Variants in ZHX3 observed in about 807,000 individuals in gnomAD.
ZHX3 encodes the protein zinc fingers and homeoboxes 3.
A neutral mutation model predicts 64.5 loss-of-function variants in ZHX3; 20 were observed. That is an observed-to-expected ratio of 0.31 (90% CI 0.22 to 0.45). ZHX3 has a LOEUF of 0.45. ZHX3 is among the 20% of genes least tolerant of loss of function. The pLI is 1.00. For missense variants in ZHX3, 1,041 were observed against 1,195.8 expected, an observed-to-expected ratio of 0.87 and a Z score of 1.91; for synonymous variants, 423 against 461.6, an observed-to-expected ratio of 0.92 and a Z score of 1.07.
chr20:41,245,471 G>C (rs1158542995), intron 2 of ZHX3, among the ~76,000 whole-genome samples: 1 of 152,174 alleles, frequency 6.6e-6, no homozygotes, highest in Non-Finnish European at 1.5e-5. Flanking sequence ...TTCCTTATGT[G>C]CCAGGCACAG....
At position 41,185,232 on chromosome 20, in the gene ZHX3, C is replaced by T. The variant is rs575377650; in HGVS notation, c.2861-31G>A. The T allele has an allele frequency of 1.4e-4, 214 of 1,579,300 alleles. No homozygotes were observed. In the East Asian group the frequency reaches 4.1e-3, roughly 31 times the overall value. ...AAGAAAACACATGCCTGTCACTCTACGGCAGCTGCCACCACCTGCCCCCCA... is the reference window on the plus strand; with the variant it reads ...AAGAAAACACATGCCTGTCACTCTATGGCAGCTGCCACCACCTGCCCCCCA... On this transcript the variant is annotated intron_variant, in intron 3 of 3. Transcript: ENST00000683867. This position sits in a 1 kb window ranked among gnomAD's most constrained non-coding sequence, Gnocchi z 5.0.
At chr20:41,302,958 T>C (rs917677954) in intron 1 of ZHX3, among the ~76,000 whole-genome samples, 3 of 152,260 alleles carry the variant, frequency 2.0e-5, no homozygotes, top group Admixed American at 6.5e-5. Flanking sequence ...GAGAGGACTC[T>C]AGTGGTAATG....
At chr20:41,187,975 C>T (rs547096034) in intron 3 of ZHX3, among the ~76,000 whole-genome samples, 1 of 152,244 alleles carries the variant, frequency 6.6e-6, no homozygotes, top group Admixed American at 6.5e-5. Flanking sequence ...TGTTGCTAAC[C>T]ATAGTCACAC....
intron 2 of ZHX3, among the ~76,000 whole-genome samples, chr20:41,246,767 G>A (rs1271349625): frequency 6.6e-6 from 1 of 151,712 alleles, no homozygotes; most frequent in African/African-American, 2.4e-5. Context: ...CAGCTACTCG[G>A]AAGGCCAAAG....
intron 1 of ZHX3, among the ~76,000 whole-genome samples, chr20:41,311,944 T>C (rs1004673454): frequency 6.6e-6 from 1 of 152,252 alleles, no homozygotes; most frequent in Non-Finnish European, 1.5e-5. Flanking sequence ...GTGCTAGGAC[T>C]GTACCATATA....
At position 41,201,982 on chromosome 20, in the gene ZHX3, A is replaced by C; in HGVS notation, c.2860+75T>G. The C allele has an allele frequency of 6.8e-7, 1 of 1,477,730 alleles. No homozygotes were observed. Among genetic ancestry groups the C allele is most frequent in the Non-Finnish European group, 9.0e-7 (1 of 1,113,388 alleles). 91.5% of individuals were successfully genotyped at this position (1,477,730 alleles called of 1,614,324 possible). A position where few individuals can be genotyped will look rare whatever the true frequency, so the allele number is the denominator to read the frequency against. On this transcript the variant is annotated intron_variant, in intron 3 of 3. Transcript: ENST00000683867. The surrounding 1 kb of genome is among the most constrained non-coding windows in gnomAD (Gnocchi z 5.0). ...GAGACAGCAGATGCCCCTGTGCAGTAAATTCAGTGCCCAACCATAAGTGCC... is the reference window on the plus strand; with the variant it reads ...GAGACAGCAGATGCCCCTGTGCAGTCAATTCAGTGCCCAACCATAAGTGCC...
chr20:41,229,652 T>C (rs1250231287), intron 2 of ZHX3, among the ~76,000 whole-genome samples: 1 of 152,154 alleles, frequency 6.6e-6, no homozygotes, highest in Non-Finnish European at 1.5e-5. Context: ...ATTGCCTAAT[T>C]ATATTAACGT....
chr20:41,285,739 C>T (rs1390375823), intron 1 of ZHX3, among the ~76,000 whole-genome samples: 1 of 152,212 alleles, frequency 6.6e-6, no homozygotes, highest in Admixed American at 6.5e-5. Context: ...GTGCTGTTCA[C>T]TAGCTGGTGT....
rs764092804 is a variant in ZHX3 at position 41,265,201 on chromosome 20, A to AT, written c.-151+3788dup. Among the ~76,000 whole-genome samples the AT allele has an allele frequency of 2.9e-3, 419 of 142,918 alleles. 1 individual carries two copies. The highest frequency in any genetic ancestry group is 0.016 in the South Asian group (70 of 4,456). 93.8% of individuals were successfully genotyped at this position (142,918 alleles called of 152,430 possible). ...GGAATCACTGAAGTCATTACGATAA[A>AT]TTTTTTTTTTTTTTTTTTGAAACGG... On this transcript the variant is annotated intron_variant, in intron 2 of 3. Transcript: ENST00000683867.
chr20:41,260,989 C>T (rs953768636), intron 2 of ZHX3, among the ~76,000 whole-genome samples: 2 of 152,168 alleles, frequency 1.3e-5, no homozygotes, highest in African/African-American at 4.8e-5. Context: ...AAGATACAAT[C>T]TATGAATTAG....
chr20:41,292,390 TCTTTA>T (rs796368267), intron 1 of ZHX3, among the ~76,000 whole-genome samples: 4 of 152,352 alleles, frequency 2.6e-5, no homozygotes, highest in African/African-American at 9.6e-5. Context: ...TGTCTAAACT[TCTTTA>T]CTTTCTAACC....
chr20:41,283,370 A>C (rs897319430), intron 1 of ZHX3, among the ~76,000 whole-genome samples: 6 of 152,174 alleles, frequency 3.9e-5, no homozygotes, highest in Non-Finnish European at 7.4e-5. Flanking sequence ...TCCACTAACT[A>C]TGCAGTTGAA....
chr20:41,181,464 C>T lies in ZHX3; in HGVS notation c.*3727G>A, dbSNP rs2036249070. 6.6e-6 allele frequency: 1 copy of T among 152,164 alleles called. No homozygotes were observed. The highest frequency in any genetic ancestry group is 2.4e-5 in the African/African-American group (1 of 41,422). 9.4% of individuals were successfully genotyped at this position (152,164 alleles called of 1,614,324 possible). Reference sequence around the variant, plus strand: ...CTTCTTGGCTGGCTCTCCTCTCCTGCAAGTTGCCTTTATCCACTTGGGGTG... The same window carrying T: ...CTTCTTGGCTGGCTCTCCTCTCCTGTAAGTTGCCTTTATCCACTTGGGGTG... On this transcript the variant is annotated 3_prime_UTR_variant, in exon 4 of 4. Transcript: ENST00000683867.
rs530228119 is a variant in ZHX3 at position 41,312,643 on chromosome 20, T to C, written c.-245+4866A>G. Among the ~76,000 whole-genome samples, 16 of 152,292 alleles carry C rather than the reference T, an allele frequency of 1.1e-4. 1 individual carries two copies. Among genetic ancestry groups the C allele is most frequent in the Admixed American group, 6.5e-4 (10 of 15,304 alleles). On this transcript the variant is annotated intron_variant, in intron 1 of 3. Transcript: ENST00000683867. ...AGAAGTGGTGATCAGGGAAGGCCCC[T>C]CTGAGGAGGAGATGTTTTAGCTGAG...
At position 41,288,708 on chromosome 20, in the gene ZHX3, C is replaced by A. The variant is rs1160456052; in HGVS notation, c.-244-19625G>T. On this transcript the variant is annotated intron_variant, in intron 1 of 3. Transcript: ENST00000683867. ...ACTCTTGTCTTATAACTAACAAATT[C>A]CTACCTTTATATTATATGTCTATGA... is the stretch of plus-strand genomic sequence containing the variant. Among the ~76,000 whole-genome samples, 3 of 152,138 alleles carry A rather than the reference C, an allele frequency of 2.0e-5. No homozygotes were observed. The East Asian group carries it at 5.8e-4, about 29-fold the overall frequency.
At chr20:41,258,466 T>C (rs545173367) in intron 2 of ZHX3, among the ~76,000 whole-genome samples, 2 of 152,356 alleles carry the variant, frequency 1.3e-5, no homozygotes, top group South Asian at 4.1e-4. Flanking sequence ...TTAGTTGTTA[T>C]TTATCCTTAG....
rs913353674 is a variant in ZHX3, at chr20:41,179,442, A to G, written c.*5749T>C. On this transcript the variant is annotated 3_prime_UTR_variant, in exon 4 of 4. Transcript: ENST00000683867. The surrounding 1 kb of genome is among the most constrained non-coding windows in gnomAD (Gnocchi z 4.3). ...AACTGCAAGAACGAGACCAAACAGT[A>G]TGGGCAGGAACCAGGGATGAGTGAC... 1.3e-5 allele frequency: 2 copies of G among 152,188 alleles called. No homozygotes were observed. The highest frequency in any genetic ancestry group is 6.5e-5 in the Admixed American group (1 of 15,276). The allele number at this position is 152,188 out of a possible 1,614,324, so 9.4% of individuals were successfully genotyped here. A position where few individuals can be genotyped will look rare whatever the true frequency, so the allele number is the denominator to read the frequency against.
chr20:41,273,201 C>T (rs958053907), intron 1 of ZHX3, among the ~76,000 whole-genome samples: 2 of 152,062 alleles, frequency 1.3e-5, no homozygotes, highest in Non-Finnish European at 2.9e-5. Context: ...CTATTCAAGT[C>T]CCTTGCCCAT....
chr20:41,314,878 C>A (rs922546747), intron 1 of ZHX3, among the ~76,000 whole-genome samples: 1 of 152,080 alleles, frequency 6.6e-6, no homozygotes, highest in Non-Finnish European at 1.5e-5. Flanking sequence ...ATATTAAGTA[C>A]CCACAATGGG....
Sources: gnomAD v4.1 joint callset for allele counts (sites outside exome capture counted in the v4.1 genomes callset) on GRCh38, gnomAD v4.1.1 for gene constraint, Gnocchi (gnomAD v3.1) non-coding constraint, MANE v1.5 for transcripts, NCBI Gene and HGNC (gene_info 2026-07-23, HGNC 2026-07-21) for gene names.